Variants in NUP210L observed in about 807,000 individuals in gnomAD.
The protein encoded by NUP210L is nuclear pore membrane glycoprotein 210-like.
In NUP210L, 74 loss-of-function variants were observed where a neutral mutation model predicts 208.5. The observed-to-expected ratio is 0.35, with a 90% CI of 0.29 to 0.43. The LOEUF is 0.43. NUP210L is among the 20% of genes least tolerant of loss of function. The probability of loss-of-function intolerance (pLI) is 1.00; values close to 1 mark genes in which losing one functional copy is unlikely to be tolerated. For missense variants in NUP210L, 1,843 were observed against 2,289.4 expected (o/e 0.81, Z 3.98); for synonymous variants, 780 against 816.9 (o/e 0.95, Z 0.77).
rs1194810804 is a variant in NUP210L at position 154,012,187 on chromosome 1, T to C, written c.4780+57A>G. 5 of 1,564,944 alleles carry C rather than the reference T, an allele frequency of 3.2e-6. No individual in the cohort carries two copies. In the Admixed American group the frequency reaches 9.3e-5, roughly 29 times the overall value. Reference sequence around the variant, plus strand: ...TTACTAATCCAAAGGGATAAATGAATTGAGGGAAAACGAGAAAGATAGGAA... The same window carrying C: ...TTACTAATCCAAAGGGATAAATGAACTGAGGGAAAACGAGAAAGATAGGAA... On this transcript the variant is annotated intron_variant, in intron 34 of 39. Coordinates refer to ENST00000368559, the Ensembl canonical transcript of NUP210L.
At chr1:154,023,239 C>T in exon 31 of NUP210L, 1 of 1,613,904 alleles carries the variant, frequency 6.2e-7, no homozygotes, top group Non-Finnish European at 8.5e-7. Flanking sequence ...CAGGGTCCTT[C>T]CTTGGGCTGT....
intron 10 of NUP210L, among the ~76,000 whole-genome samples, chr1:154,125,660 A>G (rs1657872736): frequency 5.2e-4 from 1 of 1,918 alleles, no homozygotes; most frequent in Non-Finnish European, 2.5e-3. Context: ...GAAGGAAGGA[A>G]GGAAGGAAGG....
chr1:153,995,971 T>A, intron 37 of NUP210L: 2 of 416,934 alleles, frequency 4.8e-6, no homozygotes, highest in Non-Finnish European at 9.2e-6. Flanking sequence ...AAAATGAAAC[T>A]TTTGAGTAAT....
rs370950934 is a variant in NUP210L at position 154,155,031 on chromosome 1, G to A, written c.14C>T (p.Pro5Leu). 23 of 1,606,514 alleles carry A rather than the reference G, an allele frequency of 1.4e-5. No individual in the cohort carries two copies. In the African/African-American group the frequency reaches 1.6e-4, roughly 11 times the overall value. Residue 5 changes from proline (P) to leucine (L), a missense_variant, in exon 1 of 40, where the codon CCG becomes CTG. Pro to Leu is a moderately conservative substitution (Grantham distance 98). Transcript: ENST00000368559. ...GAAGCCTCGGCGTCTTGATGACGCC[G>A]GACAGCCAGTCATGGCGACTGCCAG...
intron 15 of NUP210L, among the ~76,000 whole-genome samples, chr1:154,091,101 A>G (rs1011284086): frequency 6.8e-6 from 1 of 147,318 alleles, no homozygotes; most frequent in African/African-American, 2.5e-5. Flanking sequence ...TATTATTATT[A>G]TTATTATTAT....
chr1:154,034,917 T>C (rs1652449303), intron 27 of NUP210L, among the ~76,000 whole-genome samples: 1 of 150,616 alleles, frequency 6.6e-6, no homozygotes, highest in Admixed American at 6.6e-5. Flanking sequence ...TCTTGACTCA[T>C]TGCAACCTCT....
chr1:154,055,123 T>TC (rs1354059903), intron 23 of NUP210L, among the ~76,000 whole-genome samples: 28 of 117,138 alleles, frequency 2.4e-4, no homozygotes, highest in Non-Finnish European at 3.5e-4. Context: ...TCTTTCTTTC[T>TC]TTTCTTTCTT....
intron 16 of NUP210L, among the ~76,000 whole-genome samples, chr1:154,074,875 T>C (rs1407714254): frequency 1.3e-5 from 2 of 152,210 alleles, no homozygotes; most frequent in Non-Finnish European, 2.9e-5. Context: ...CTTACATGCA[T>C]GTATGACACA....
Position 154,058,546 on chromosome 1 carries a change from T to C in NUP210L, c.2979+19A>G. ...AATAAGTCTTGCTTAATTTCTGAGA[T>C]AAAACAAACATGTCTCACCTTATCA... is the stretch of plus-strand genomic sequence containing the variant. On this transcript the variant is annotated intron_variant, in intron 21 of 39. Coordinates refer to ENST00000368559, the Ensembl canonical transcript of NUP210L. 1 of 1,606,586 alleles carries C rather than the reference T, an allele frequency of 6.2e-7. No individual in the cohort carries two copies. The highest frequency in any genetic ancestry group is 8.5e-7 in the Non-Finnish European group (1 of 1,177,680).
At chr1:154,126,341 C>A in exon 10 of NUP210L, 2 of 1,612,674 alleles carry the variant, frequency 1.2e-6, no homozygotes, top group Non-Finnish European at 1.7e-6. Context: ...TGATGGAGGT[C>A]AGGGATGCAT....
chr1:154,127,349 C>G, exon 9 of NUP210L: 1 of 1,605,180 alleles, frequency 6.2e-7, no homozygotes, highest in Non-Finnish European at 8.5e-7. Context: ...TTATCAAAGA[C>G]GTCTACTGTA....
intron 27 of NUP210L, among the ~76,000 whole-genome samples, chr1:154,040,179 T>A (rs112054501): frequency 7.6e-4 from 116 of 152,250 alleles, no homozygotes; most frequent in African/African-American, 2.2e-3. Context: ...TGTGCCATGA[T>A]GCCTGGCTAA....
chr1:154,053,338 G>T (rs1653629863), intron 25 of NUP210L, among the ~76,000 whole-genome samples: 1 of 152,222 alleles, frequency 6.6e-6, no homozygotes, highest in Admixed American at 6.5e-5. Flanking sequence ...TGCAGATGCA[G>T]ATCCTGACTT....
intron 27 of NUP210L, among the ~76,000 whole-genome samples, chr1:154,031,058 T>C (rs537598551): frequency 6.6e-6 from 1 of 152,302 alleles, no homozygotes; most frequent in South Asian, 2.1e-4. Context: ...GCATTTATCC[T>C]TTCTGTTACA....
chr1:154,095,189 G>A, intron 14 of NUP210L, 33 bp from the exon 15 acceptor site: 1 of 1,486,164 alleles, frequency 6.7e-7, no homozygotes, highest in Non-Finnish European at 9.4e-7. Context: ...ATTCCTGATA[G>A]GTTAGGGAAT....
chr1:154,047,712 T>C (rs1461306621), intron 25 of NUP210L, among the ~76,000 whole-genome samples: 2 of 152,308 alleles, frequency 1.3e-5, no homozygotes, highest in East Asian at 3.9e-4. Context: ...AATATGTGGG[T>C]AAATCTCTGT....
chr1:154,125,692 AG>A (rs1657888472), intron 10 of NUP210L, among the ~76,000 whole-genome samples: 1 of 13,310 alleles, frequency 7.5e-5, no homozygotes, highest in African/African-American at 1.7e-4. Flanking sequence ...GAAGGAAGGA[AG>A]GAAGGAAGGA....
chr1:154,055,176 T>TTTCTTTCTTTCTTTC (rs1553228990), intron 23 of NUP210L, among the ~76,000 whole-genome samples: 1,921 of 120,142 alleles, frequency 0.016, 36 homozygotes, highest in Admixed American at 0.028. Context: ...TCTTTCTTTC[T>TTTCTTTCTTTCTTTC]TTCTTTCTTT....
chr1:154,058,532 C>G (rs758109267), intron 21 of NUP210L, 33 bp downstream of exon 21: 2 of 1,605,150 alleles, frequency 1.2e-6, no homozygotes, highest in East Asian at 4.5e-5. Flanking sequence ...ATAAGTCTTG[C>G]TTAATTTCTG....
Sources: gnomAD v4.1 joint callset for allele counts (sites outside exome capture counted in the v4.1 genomes callset) on GRCh38, gnomAD v4.1.1 for gene constraint, MANE v1.5 for transcripts, NCBI Gene and HGNC (gene_info 2026-07-23, HGNC 2026-07-21) for gene names.